SAMD5: variants seen among roughly 807,000 people sequenced by gnomAD.
SAMD5 encodes the protein sterile alpha motif domain containing 5, also known as sterile alpha motif domain-containing protein 5.
A neutral mutation model predicts 11.3 loss-of-function variants in SAMD5; 13 were observed. The observed-to-expected ratio is 1.15, with a 90% confidence interval of 0.75 to 1.83. The LOEUF (loss-of-function observed/expected upper bound fraction) is 1.83. Among genes scored for constraint, SAMD5 ranks in the 40% most tolerant of loss-of-function variants. The pLI is 0.00. For missense variants in SAMD5, 255 were observed against 239.1 expected, an observed-to-expected ratio of 1.07 and a Z score of -0.44; for synonymous variants, 129 against 111.3, an observed-to-expected ratio of 1.16 and a Z score of -1.00.
chr6:147,666,161 A>G (rs1790716403), intron 1 of SAMD5, among the ~76,000 whole-genome samples: 1 of 151,282 alleles, frequency 6.6e-6, no homozygotes, highest in Non-Finnish European at 1.5e-5. Context: ...CTGGTCGCCA[A>G]CTCCTGACCT....
chr6:147,920,052 T>C, the SAMD5 span, among the ~76,000 whole-genome samples: 1 of 152,238 alleles, frequency 6.6e-6, no homozygotes, highest in Non-Finnish European at 1.5e-5. Context: ...CCAAACTGTT[T>C]GTGATGGTTA....
At chr6:147,935,338 A>C in the SAMD5 span, among the ~76,000 whole-genome samples, 2 of 152,170 alleles carry the variant, frequency 1.3e-5, no homozygotes, top group South Asian at 4.1e-4. Flanking sequence ...GGGTTAATAG[A>C]TGCGATGCTA....
At chr6:147,526,252 T>A (rs918017458) in intron 1 of SAMD5, among the ~76,000 whole-genome samples, 2 of 152,236 alleles carry the variant, frequency 1.3e-5, no homozygotes, top group African/African-American at 4.8e-5. Context: ...TTTAGCCTAT[T>A]ACGTGATTAT....
the SAMD5 span, among the ~76,000 whole-genome samples, chr6:147,811,497 G>A: frequency 6.6e-6 from 1 of 152,166 alleles, no homozygotes; most frequent in African/African-American, 2.4e-5. Flanking sequence ...AACAGTAGCA[G>A]TGCTTTAGGG....
At chr6:147,663,811 A>G (rs940531377) in intron 1 of SAMD5, among the ~76,000 whole-genome samples, 7 of 138,532 alleles carry the variant, frequency 5.1e-5, no homozygotes, top group South Asian at 2.4e-4. Flanking sequence ...AAAAAAAAAA[A>G]AGAGAGAGAA....
At chr6:147,779,465 G>A in the SAMD5 span, among the ~76,000 whole-genome samples, 3 of 151,582 alleles carry the variant, frequency 2.0e-5, no homozygotes, top group African/African-American at 4.8e-5. Flanking sequence ...GCCCTGAGCA[G>A]CTCTACATTC....
the SAMD5 span, among the ~76,000 whole-genome samples, chr6:147,796,911 T>C: frequency 4.7e-5 from 7 of 149,332 alleles, no homozygotes; most frequent in Non-Finnish European, 7.4e-5. Flanking sequence ...TTTTGCACAT[T>C]GATTTTGTAT....
chr6:147,950,123 T>C, the SAMD5 span, among the ~76,000 whole-genome samples: 37 of 152,310 alleles, frequency 2.4e-4, no homozygotes, highest in African/African-American at 7.7e-4. Context: ...AGGGAAGGCA[T>C]TGAAATTTTC....
downstream of SAMD5, chr6:147,570,050 C>T (rs1789113151): frequency 1.0e-6 from 1 of 977,930 alleles, no homozygotes. Context: ...TTGTAATCTT[C>T]CACATCTTGA....
At chr6:147,583,337 G>A (rs925486931) in intron 1 of SAMD5, among the ~76,000 whole-genome samples, 7 of 152,188 alleles carry the variant, frequency 4.6e-5, no homozygotes, top group Non-Finnish European at 1.0e-4. Context: ...ATTAATGTGA[G>A]AATTTGGATT....
chr6:147,541,232 A>G (rs114233110), intron 1 of SAMD5, among the ~76,000 whole-genome samples: 7,985 of 152,140 alleles, frequency 0.052, 399 homozygotes, highest in African/African-American at 0.13. Context: ...TTACAGGCGT[A>G]AGCCACGACA....
chr6:147,728,386 C>G (rs1435103573), intron 1 of SAMD5, among the ~76,000 whole-genome samples: 1 of 152,168 alleles, frequency 6.6e-6, no homozygotes, highest in Non-Finnish European at 1.5e-5. Context: ...CCACTGCACT[C>G]CAGCCTGGGT....
chr6:147,937,424 G>T, the SAMD5 span, among the ~76,000 whole-genome samples: 1 of 152,150 alleles, frequency 6.6e-6, no homozygotes, highest in Non-Finnish European at 1.5e-5. Context: ...AGGCTTATTG[G>T]AATTGGTTGA....
chr6:147,923,356 T>A, the SAMD5 span, among the ~76,000 whole-genome samples: 2 of 152,210 alleles, frequency 1.3e-5, no homozygotes. Flanking sequence ...ATATGCCACA[T>A]CATTGCCAAT....
chr6:147,777,607 G>A, the SAMD5 span, among the ~76,000 whole-genome samples: 1 of 152,186 alleles, frequency 6.6e-6, no homozygotes, highest in Non-Finnish European at 1.5e-5. Flanking sequence ...TTGTGTAACA[G>A]TCCCCACTGT....
chr6:147,522,536 C>T (rs762027471), intron 1 of SAMD5, among the ~76,000 whole-genome samples: 2 of 152,094 alleles, frequency 1.3e-5, no homozygotes, highest in African/African-American at 2.4e-5. Context: ...ACTATTTTTA[C>T]GTAACTGAGA....
intron 1 of SAMD5, among the ~76,000 whole-genome samples, chr6:147,732,527 TATGTC>T (rs1791733574): frequency 6.6e-6 from 1 of 152,192 alleles, no homozygotes; most frequent in Admixed American, 6.5e-5. Flanking sequence ...ACACAAGAAT[TATGTC>T]AAGGTGAGAG....
intron 1 of SAMD5, among the ~76,000 whole-genome samples, chr6:147,552,019 A>G (rs1016542243): frequency 5.3e-5 from 8 of 152,066 alleles, no homozygotes; most frequent in East Asian, 1.9e-4. Context: ...TTGAGCTTCT[A>G]TGTTCTTGCT....
chr6:147,936,957 TGA>T, the SAMD5 span, among the ~76,000 whole-genome samples: 1 of 152,070 alleles, frequency 6.6e-6, no homozygotes, highest in South Asian at 2.1e-4. Context: ...TGTGTAAATG[TGA>T]GTGTGTGTGT....
Sources: gnomAD v4.1 joint callset for allele counts (sites outside exome capture counted in the v4.1 genomes callset) on GRCh38, gnomAD v4.1.1 for gene constraint, MANE v1.5 for transcripts, NCBI Gene and HGNC (gene_info 2026-07-23, HGNC 2026-07-21) for gene names.